Variants in TERF1 observed in about 807,000 individuals in gnomAD.
The protein encoded by TERF1 is telomeric repeat-binding factor 1.
TERF1 carries 20 observed loss-of-function variants against 55.1 expected under a neutral mutation model. The ratio of observed to expected loss-of-function variants is 0.36; its 90% CI spans 0.26 to 0.53. The LOEUF is 0.53. Ranked by LOEUF, TERF1 falls within the 20% of genes least tolerant of loss-of-function variation. The pLI is 0.91. For synonymous variants in TERF1, 168 were observed against 181.2 expected, an observed-to-expected ratio of 0.93 and a Z score of 0.59; for missense variants, 439 against 535.7, an observed-to-expected ratio of 0.82 and a Z score of 1.78.
chr8:73,039,545 G>A (rs1809745812), intron 9 of TERF1, among the ~76,000 whole-genome samples: 2 of 151,892 alleles, frequency 1.3e-5, no homozygotes, highest in South Asian at 4.2e-4. Flanking sequence ...TTCCTAACAG[G>A]GATCCAGTGT....
At chr8:73,029,615 A>G (rs931600129) in intron 6 of TERF1, among the ~76,000 whole-genome samples, 26 of 151,982 alleles carry the variant, frequency 1.7e-4, no homozygotes, top group Admixed American at 2.6e-4. Flanking sequence ...AAAAAAAAAA[A>G]GGGGGTGTAA....
chr8:73,035,037 A>AT (rs1194886534), intron 8 of TERF1, among the ~76,000 whole-genome samples: 1 of 152,210 alleles, frequency 6.6e-6, no homozygotes, highest in African/African-American at 2.4e-5. Flanking sequence ...TTTACATTTA[A>AT]TTTTTAATAT....
At chr8:73,014,103 TA>T in intron 2 of TERF1, 113 bp downstream of exon 2, 1 of 788,998 alleles carries the variant, frequency 1.3e-6, no homozygotes, top group South Asian at 1.6e-5. Context: ...GTCTGGTGCA[TA>T]GGGGTGTGGG....
chr8:73,031,829 C>T lies in TERF1; in HGVS notation c.948-213C>T, dbSNP rs139693922. 11,374 of 353,856 alleles carry T rather than the reference C, an allele frequency of 0.032. 244 individuals carry two copies. The highest frequency in any genetic ancestry group is 0.044 in the Non-Finnish European group (8,688 of 197,004). The allele number at this position is 353,856 out of a possible 1,614,324, so 21.9% of individuals were successfully genotyped here. On this transcript the variant is annotated intron_variant, in intron 7 of 9. Coordinates refer to ENST00000276603, the MANE Select transcript of TERF1 (RefSeq NM_017489.3). ...ACATCAAAAAACATCTTGATTTCTGCGGAGTAGATGAGATGGAGAAAGATG... is the reference window on the plus strand; with the variant it reads ...ACATCAAAAAACATCTTGATTTCTGTGGAGTAGATGAGATGGAGAAAGATG...
At chr8:73,024,318 G>C (rs369768192) in intron 4 of TERF1, among the ~76,000 whole-genome samples, 1 of 152,202 alleles carries the variant, frequency 6.6e-6, no homozygotes, top group Non-Finnish European at 1.5e-5. Context: ...ACATAGAGTT[G>C]AGTGAAATAT....
intron 9 of TERF1, among the ~76,000 whole-genome samples, chr8:73,040,425 T>C (rs1809784000): frequency 6.6e-6 from 1 of 152,176 alleles, no homozygotes. Context: ...TTCTCTTAAC[T>C]TTTTTCAGAG....
chr8:73,009,210 G>C lies in TERF1; in HGVS notation c.319+5G>C. 6.2e-7 allele frequency: 1 copy of C among 1,606,120 alleles called. No individual in the cohort carries two copies. Among genetic ancestry groups the C allele is most frequent in the Non-Finnish European group, 8.5e-7 (1 of 1,177,382 alleles). On this transcript the variant is annotated splice_donor_5th_base_variant and intron_variant, in intron 1 of 9. Transcript: ENST00000276603. ...GGACCCGCAACAGCGCAGAGGGTGA[G>C]TGCAGACCGCGTCCGGGCCGGGACT...
rs879176044 is a variant in TERF1 at position 73,046,422 on chromosome 8, G to GA, written c.*297dup. On this transcript the variant is annotated 3_prime_UTR_variant, in exon 10 of 10. Coordinates refer to ENST00000276603, the MANE Select transcript of TERF1 (RefSeq NM_017489.3). ...CAATGAAAAAATTAAAACCTGATACGAAAAAAAAAAAATTCCAGTTAACCT... is the reference window on the plus strand; with the variant it reads ...CAATGAAAAAATTAAAACCTGATACGAAAAAAAAAAAAATTCCAGTTAACCT... The GA allele has an allele frequency of 0.013, 2,377 of 178,982 alleles. No individual in the cohort carries two copies. Among genetic ancestry groups the GA allele is most frequent in the Middle Eastern group, 0.025 (11 of 434 alleles). 11.1% of individuals were successfully genotyped at this position (178,982 alleles called of 1,614,324 possible).
At chr8:73,017,852 G>C (rs970091695) in intron 2 of TERF1, among the ~76,000 whole-genome samples, 1 of 152,000 alleles carries the variant, frequency 6.6e-6, no homozygotes, top group Non-Finnish European at 1.5e-5. Context: ...ACAGGCGTGC[G>C]CCACCATGCC....
chr8:73,022,121 CAG>C (rs569397053), intron 3 of TERF1, 93 bp from the exon 4 acceptor site: 145 of 678,222 alleles, frequency 2.1e-4, no homozygotes, highest in Middle Eastern at 1.2e-3. Flanking sequence ...ATGTTCTCAA[CAG>C]AGGATTTCAG....
At chr8:73,041,796 C>T (rs753689253) in intron 9 of TERF1, among the ~76,000 whole-genome samples, 3 of 152,084 alleles carry the variant, frequency 2.0e-5, no homozygotes, top group Non-Finnish European at 4.4e-5. Flanking sequence ...GGGGGGGCTC[C>T]TGGAGATAAA....
intron 7 of TERF1, chr8:73,031,680 A>G (rs1410778948): frequency 6.4e-6 from 1 of 156,682 alleles, no homozygotes; most frequent in Non-Finnish European, 1.4e-5. Flanking sequence ...TCTTTGGGGA[A>G]ATAAAAGCCA....
Position 73,027,123 on chromosome 8 carries a change from C to T in TERF1, c.887+71C>T, listed in dbSNP as rs55644413. On this transcript the variant is annotated intron_variant, in intron 6 of 9. Coordinates refer to ENST00000276603, the MANE Select transcript of TERF1 (RefSeq NM_017489.3). ...CTGTCTTTATGTAAAATTGATATGT[C>T]TTTTTATTAAAAATAATTATTGAGT... 3,668 of 1,073,736 alleles carry T rather than the reference C, an allele frequency of 3.4e-3. 88 individuals are homozygous for T. In the African/African-American group the frequency reaches 0.054, roughly 16 times the overall value. The allele number at this position is 1,073,736 out of a possible 1,614,324, so 66.5% of individuals were successfully genotyped here.
intron 2 of TERF1, 102 bp from the exon 3 acceptor site, chr8:73,020,582 C>T (rs761090817): frequency 3.2e-6 from 3 of 926,542 alleles, no homozygotes; most frequent in East Asian, 2.9e-5. Flanking sequence ...GTACCTAGCA[C>T]ATAGTATACA....
intron 2 of TERF1, among the ~76,000 whole-genome samples, chr8:73,018,769 T>C (rs1242717223): frequency 6.6e-6 from 1 of 152,218 alleles, no homozygotes; most frequent in African/African-American, 2.4e-5. Flanking sequence ...TGCTAGGAAT[T>C]ACAGGGATTT....
intron 9 of TERF1, among the ~76,000 whole-genome samples, chr8:73,045,199 T>C (rs1351565043): frequency 6.6e-6 from 1 of 152,202 alleles, no homozygotes; most frequent in African/African-American, 2.4e-5. Flanking sequence ...ATTTTGTGTT[T>C]TTTTGATAGC....
intron 8 of TERF1, among the ~76,000 whole-genome samples, chr8:73,032,476 G>A (rs370577331): frequency 6.6e-6 from 1 of 152,160 alleles, no homozygotes. Context: ...AGCACATATG[G>A]AAACTTGATA....
chr8:73,010,099 G>C (rs1808226414), intron 1 of TERF1: 1 of 152,120 alleles, frequency 6.6e-6, no homozygotes, highest in Non-Finnish European at 1.5e-5. Context: ...AGATGTTCTG[G>C]TACTTCATTC....
intron 8 of TERF1, among the ~76,000 whole-genome samples, chr8:73,037,731 A>G (rs1248154308): frequency 1.1e-5 from 1 of 87,906 alleles, no homozygotes; most frequent in Non-Finnish European, 2.0e-5. Flanking sequence ...TATATTATAT[A>G]GTATGAAATA....
Sources: gnomAD v4.1 joint callset for allele counts (sites outside exome capture counted in the v4.1 genomes callset) on GRCh38, gnomAD v4.1.1 for gene constraint, MANE v1.5 for transcripts, NCBI Gene and HGNC (gene_info 2026-07-23, HGNC 2026-07-21) for gene names.